The following DCC variants were observed in gnomAD, a reference collection of about 807,000 sequenced individuals.
DCC encodes netrin receptor DCC.
DCC carries 58 observed loss-of-function variants against 172.5 expected under a neutral mutation model. That is an observed-to-expected ratio of 0.34 (90% CI 0.27 to 0.42). The LOEUF (loss-of-function observed/expected upper bound fraction) is 0.42, where lower values mean the gene tolerates loss of function less well. Ranked by LOEUF, DCC falls within the 10% of genes least tolerant of loss-of-function variation. The pLI is 1.00. For missense variants in DCC, 1,740 were observed against 1,791.0 expected (o/e 0.97, Z 0.51); for synonymous variants, 709 against 644.5 (o/e 1.10, Z -1.52).
At chr18:52,581,187 T>TTATCTATCTATGTATCTATC (rs1555699059) in intron 1 of DCC, among the ~76,000 whole-genome samples, 2 of 146,452 alleles carry the variant, frequency 1.4e-5, no homozygotes, top group Non-Finnish European at 3.0e-5. Flanking sequence ...TCTATATATC[T>TTATCTATCTATGTATCTATC]TATCTATCTA....
In DCC at chr18:53,308,490, G is replaced by A. The variant is rs550557278; in HGVS notation, c.2053+2771G>A. On this transcript the variant is annotated intron_variant, in intron 13 of 28. Coordinates refer to ENST00000442544, the MANE Select transcript of DCC (RefSeq NM_005215.4). ...ATTACAATTTTTGCTTTCAAAAATT[G>A]AAGATTTCTTCCCACTAATGCTAAC... 5.5e-4 allele frequency among the ~76,000 whole-genome samples: 83 copies of A among 152,222 alleles called. No individual in the cohort carries two copies. In the South Asian group the frequency reaches 0.017, roughly 31 times the overall value.
At chr18:53,334,311 A>G (rs999405376) in intron 14 of DCC, among the ~76,000 whole-genome samples, 1 of 152,210 alleles carries the variant, frequency 6.6e-6, no homozygotes, top group Non-Finnish European at 1.5e-5. Context: ...TCTACTTAGA[A>G]TAAAACCTAA....
intron 14 of DCC, among the ~76,000 whole-genome samples, chr18:53,332,355 TAAAC>T (rs977110720): frequency 6.6e-6 from 1 of 152,136 alleles, no homozygotes; most frequent in African/African-American, 2.4e-5. Context: ...ATATTAAAAG[TAAAC>T]AAAAAGACAA....
At chr18:53,063,657 G>T (rs2042527725) in intron 6 of DCC, 198 bp downstream of exon 6, 4 of 546,780 alleles carry the variant, frequency 7.3e-6, no homozygotes, top group Admixed American at 6.5e-5. Context: ...AAAGAATTCA[G>T]CCCCCTGGTT....
chr18:52,859,271 G>A (rs2039098480), intron 2 of DCC, among the ~76,000 whole-genome samples: 1 of 152,138 alleles, frequency 6.6e-6, no homozygotes, highest in African/African-American at 2.4e-5. Flanking sequence ...GACTAATGGT[G>A]GATTGATCCT....
At chr18:53,198,085 G>C (rs890915802) in intron 9 of DCC, among the ~76,000 whole-genome samples, 24 of 152,090 alleles carry the variant, frequency 1.6e-4, no homozygotes, top group African/African-American at 4.3e-4. Context: ...GCTCTTTAAA[G>C]TGAAATTATG....
intron 18 of DCC, among the ~76,000 whole-genome samples, chr18:53,399,091 T>C (rs924326627): frequency 6.6e-6 from 1 of 152,224 alleles, no homozygotes; most frequent in Non-Finnish European, 1.5e-5. Context: ...GTCCAGATAA[T>C]GAATCCTTCA....
At chr18:53,077,745 A>G (rs1262040945) in intron 7 of DCC, among the ~76,000 whole-genome samples, 3 of 152,198 alleles carry the variant, frequency 2.0e-5, no homozygotes, top group Non-Finnish European at 2.9e-5. Context: ...TTGTGTTATA[A>G]TGGGTCTGTC....
At chr18:53,315,362 T>C (rs1228605810) in intron 13 of DCC, among the ~76,000 whole-genome samples, 2 of 152,328 alleles carry the variant, frequency 1.3e-5, no homozygotes, top group East Asian at 1.9e-4. Flanking sequence ...CAGTCTATCA[T>C]TGATGGGCAT....
intron 11 of DCC, among the ~76,000 whole-genome samples, chr18:53,209,752 T>C (rs2055717124): frequency 6.6e-6 from 1 of 152,174 alleles, no homozygotes; most frequent in Non-Finnish European, 1.5e-5. Context: ...TCACAACTTA[T>C]AATTATAAAA....
intron 1 of DCC, among the ~76,000 whole-genome samples, chr18:52,497,130 G>T (rs910996196): frequency 6.6e-6 from 1 of 150,930 alleles, no homozygotes. Context: ...GCCTGGTGGT[G>T]CACATCTGTA....
intron 5 of DCC, among the ~76,000 whole-genome samples, chr18:53,030,716 C>A (rs2042015226): frequency 1.3e-5 from 2 of 152,112 alleles, no homozygotes; most frequent in South Asian, 4.1e-4. Context: ...TGGGCATCAT[C>A]CTGGTGGGAG....
intron 1 of DCC, among the ~76,000 whole-genome samples, chr18:52,577,463 A>G (rs1387833040): frequency 6.6e-6 from 1 of 152,236 alleles, no homozygotes; most frequent in Non-Finnish European, 1.5e-5. Context: ...TTTCTGTGCT[A>G]ACGTTTGCAA....
chr18:53,407,557 T>TATATATATATATATATA, intron 19 of DCC, among the ~76,000 whole-genome samples: 2 of 80,630 alleles, frequency 2.5e-5, no homozygotes, highest in East Asian at 7.5e-4. Context: ...ATATATATAT[T>TATATATATATATATATA]CACTATTACT....
At chr18:53,419,392 A>T (rs35617477) in intron 21 of DCC, among the ~76,000 whole-genome samples, 64,416 of 151,810 alleles carry the variant, frequency 0.42, 15,438 homozygotes, top group Non-Finnish European at 0.55. Flanking sequence ...CATTATTTCT[A>T]ACTATATTTT....
At chr18:53,170,335 T>G (rs946208522) in intron 8 of DCC, among the ~76,000 whole-genome samples, 1 of 152,246 alleles carries the variant, frequency 6.6e-6, no homozygotes, top group East Asian at 1.9e-4. Flanking sequence ...TTTTCATTAT[T>G]GGAACTTGTT....
chr18:53,494,473 T>C (rs2045995648), intron 26 of DCC, among the ~76,000 whole-genome samples: 1 of 152,244 alleles, frequency 6.6e-6, no homozygotes, highest in African/African-American at 2.4e-5. Context: ...TATAAGAACT[T>C]GCTTTATGAA....
intron 2 of DCC, among the ~76,000 whole-genome samples, chr18:52,798,485 T>C (rs1176484742): frequency 2.0e-5 from 3 of 152,160 alleles, no homozygotes. Context: ...ATTACAGGCA[T>C]GAGCCACTGC....
At chr18:52,723,526 A>G (rs1190808930) in intron 1 of DCC, among the ~76,000 whole-genome samples, 1 of 152,128 alleles carries the variant, frequency 6.6e-6, no homozygotes, top group African/African-American at 2.4e-5. Context: ...CCTCAGACCT[A>G]ATTACCATTC....
Sources: allele counts gnomAD v4.1 joint callset (sites outside exome capture counted in the v4.1 genomes callset), GRCh38; gene constraint gnomAD v4.1.1; transcripts MANE v1.5; gene names NCBI Gene and HGNC (gene_info 2026-07-23, HGNC 2026-07-21).